Variants in RERG observed in about 807,000 individuals in gnomAD.
RERG encodes ras-related and estrogen-regulated growth inhibitor.
RERG carries 25 observed loss-of-function variants against 23.2 expected under a neutral mutation model. That is an observed-to-expected ratio of 1.08 (90% CI 0.79 to 1.50). The LOEUF (loss-of-function observed/expected upper bound fraction) is 1.50. Among genes scored for constraint, RERG ranks in the 40% most tolerant of loss-of-function variants. The pLI is 0.00. For synonymous variants in RERG, 81 were observed against 89.1 expected, an observed-to-expected ratio of 0.91 and a Z score of 0.51; for missense variants, 253 against 250.1, an observed-to-expected ratio of 1.01 and a Z score of -0.08.
intron 2 of RERG, chr12:15,155,148 A>G (rs1340101649): frequency 6.6e-6 from 1 of 152,216 alleles, no homozygotes; most frequent in Non-Finnish European, 1.5e-5. Context: ...GTGTTGAAGT[A>G]TATGAAGTAA....
intron 2 of RERG, among the ~76,000 whole-genome samples, chr12:15,123,572 AAAT>A (rs201661463): frequency 0.22 from 32,605 of 147,378 alleles, 3,669 homozygotes; most frequent in Admixed American, 0.29. Flanking sequence ...TATTAAATTT[AAAT>A]AATAAAATTT....
chr12:15,189,132 T>C (rs930152712), intron 2 of RERG, among the ~76,000 whole-genome samples: 2 of 152,204 alleles, frequency 1.3e-5, no homozygotes, highest in Admixed American at 6.5e-5. Flanking sequence ...TAAACACACA[T>C]CATATTGTTT....
chr12:15,172,679 T>C (rs538347549), intron 2 of RERG, among the ~76,000 whole-genome samples: 6 of 152,106 alleles, frequency 3.9e-5, no homozygotes, highest in Non-Finnish European at 8.8e-5. Flanking sequence ...GTGCAGGTGG[T>C]ATCACATTGT....
At chr12:15,109,594 A>G (rs1863566985) in intron 4 of RERG, 77 bp from the exon 5 acceptor site, 4 of 1,145,224 alleles carry the variant, frequency 3.5e-6, no homozygotes, top group Admixed American at 2.3e-5. Flanking sequence ...GCTGACAGTA[A>G]TGCCTTAATT....
In RERG at chr12:15,212,506, ATACT is replaced by A. The variant is rs1252606421; in HGVS notation, c.61+4919_61+4922del. Among the ~76,000 whole-genome samples, 4 of 152,340 alleles carry A rather than the reference ATACT, an allele frequency of 2.6e-5. No homozygotes were observed. In the East Asian group the frequency reaches 7.7e-4, roughly 29 times the overall value. Reference sequence around the variant, plus strand: ...TTTATATAACTATAAAACATGCAAAATACTTACATGATTATGAGATGCTTACACA... The same window carrying A: ...TTTATATAACTATAAAACATGCAAAATACATGATTATGAGATGCTTACACA... On this transcript the variant is annotated intron_variant, in intron 2 of 4. Coordinates refer to ENST00000256953, the MANE Select transcript of RERG (RefSeq NM_032918.3).
chr12:15,199,665 A>G (rs1865190753), intron 2 of RERG, among the ~76,000 whole-genome samples: 1 of 152,116 alleles, frequency 6.6e-6, no homozygotes. Context: ...GCCAACATAC[A>G]TATAGATACA....
intron 2 of RERG, among the ~76,000 whole-genome samples, chr12:15,212,351 G>A (rs1019295996): frequency 2.6e-5 from 4 of 151,746 alleles, no homozygotes; most frequent in South Asian, 2.1e-4. Flanking sequence ...GAGCCACCGC[G>A]CCCGGCCACG....
At position 15,158,251 on chromosome 12, in the gene RERG, C is replaced by G. The variant is rs540676630; in HGVS notation, c.62-37132G>C. 2.6e-5 allele frequency among the ~76,000 whole-genome samples: 4 copies of G among 152,062 alleles called. No homozygotes were observed. The South Asian group carries it at 8.3e-4, about 32-fold the overall frequency. ...TTTAGTTGTTATAACTCTTTACACT[C>G]TTTTAAATTGGAACAGTTCCTCAGT... is the stretch of plus-strand genomic sequence containing the variant. On this transcript the variant is annotated intron_variant, in intron 2 of 4. Coordinates refer to ENST00000256953, the MANE Select transcript of RERG (RefSeq NM_032918.3).
intron 2 of RERG, among the ~76,000 whole-genome samples, chr12:15,158,690 G>A (rs899120854): frequency 6.6e-6 from 1 of 152,078 alleles, no homozygotes; most frequent in South Asian, 2.1e-4. Flanking sequence ...TCCCTCAGTT[G>A]TCTAATACTT....
At chr12:15,120,608 A>G (rs1475697698) in intron 3 of RERG, among the ~76,000 whole-genome samples, 1 of 152,194 alleles carries the variant, frequency 6.6e-6, no homozygotes, top group Non-Finnish European at 1.5e-5. Context: ...CTCTCTCTGT[A>G]ACAGGCTTTA....
intron 3 of RERG, among the ~76,000 whole-genome samples, chr12:15,118,588 C>A (rs887268846): frequency 4.6e-5 from 7 of 152,128 alleles, no homozygotes; most frequent in African/African-American, 9.7e-5. Flanking sequence ...AGAGGTGAGG[C>A]CTGGTGGGAG....
chr12:15,138,303 G>A (rs1232000569), intron 2 of RERG: 1 of 156,488 alleles, frequency 6.4e-6, no homozygotes, highest in East Asian at 1.9e-4. Flanking sequence ...CATGTATGTT[G>A]CATGGAAAAT....
intron 2 of RERG, among the ~76,000 whole-genome samples, chr12:15,123,404 G>T (rs1863873529): frequency 6.6e-6 from 1 of 150,958 alleles, no homozygotes; most frequent in Non-Finnish European, 1.5e-5. Context: ...AGAGGCAAAA[G>T]AACTCTAGAG....
chr12:15,182,860 A>G (rs1202042458), intron 2 of RERG, among the ~76,000 whole-genome samples: 2 of 152,168 alleles, frequency 1.3e-5, no homozygotes, highest in African/African-American at 4.8e-5. Context: ...GGATCGCTTG[A>G]GGCCAGGAGT....
At chr12:15,130,108 C>T (rs936504809) in intron 2 of RERG, among the ~76,000 whole-genome samples, 1 of 152,104 alleles carries the variant, frequency 6.6e-6, no homozygotes, top group Non-Finnish European at 1.5e-5. Flanking sequence ...TTCATCCATC[C>T]TTTATCCTGC....
At chr12:15,211,437 C>A (rs1486674527) in intron 2 of RERG, among the ~76,000 whole-genome samples, 1 of 151,936 alleles carries the variant, frequency 6.6e-6, no homozygotes, top group Non-Finnish European at 1.5e-5. Context: ...CACAGAGAGA[C>A]AAATACCATA....
intron 2 of RERG, among the ~76,000 whole-genome samples, chr12:15,132,884 A>G (rs1288266960): frequency 6.6e-6 from 1 of 151,926 alleles, no homozygotes; most frequent in Non-Finnish European, 1.5e-5. Flanking sequence ...CCCATATTTT[A>G]TAAATGAGAC....
At chr12:15,156,347 T>C (rs1342313552) in intron 2 of RERG, among the ~76,000 whole-genome samples, 2 of 152,210 alleles carry the variant, frequency 1.3e-5, no homozygotes, top group African/African-American at 4.8e-5. Flanking sequence ...ACAGACCCCC[T>C]GAAATCTACC....
intron 2 of RERG, among the ~76,000 whole-genome samples, chr12:15,195,028 TTG>T (rs1293848460): frequency 2.0e-5 from 3 of 152,088 alleles, no homozygotes; most frequent in Admixed American, 6.6e-5. Context: ...AGCAAACACT[TTG>T]TGGAAAGGTT....
Sources: allele counts gnomAD v4.1 joint callset (sites outside exome capture counted in the v4.1 genomes callset), GRCh38; gene constraint gnomAD v4.1.1; transcripts MANE v1.5; gene names NCBI Gene and HGNC (gene_info 2026-07-23, HGNC 2026-07-21).